The following NOS3 variants were observed in gnomAD, a reference collection of about 807,000 sequenced individuals.
NOS3 encodes the protein nitric oxide synthase 3, also known as NOS type III.
A neutral mutation model predicts 144.9 loss-of-function variants in NOS3; 98 were observed. The observed-to-expected ratio is 0.68, with a 90% confidence interval of 0.57 to 0.80. The LOEUF (loss-of-function observed/expected upper bound fraction) is 0.80, where lower values mean the gene tolerates loss of function less well. Among genes scored for constraint, NOS3 ranks in the 30% least tolerant of loss-of-function variants. The pLI, the probability that NOS3 is intolerant of heterozygous loss-of-function variation, is 0.00. For synonymous variants in NOS3, 714 were observed against 702.4 expected (o/e 1.02, Z -0.26); for missense variants, 1,465 against 1,656.4 (o/e 0.88, Z 2.01).
chr7:150,999,452 G>A (rs778580362), intron 9 of NOS3, 88 bp downstream of exon 9: 63 of 1,395,598 alleles, frequency 4.5e-5, no homozygotes, highest in Middle Eastern at 1.9e-4. Context: ...TGCCAGCCAC[G>A]GGGACAATCA....
intron 25 of NOS3, 52 bp from the exon 26 acceptor site, chr7:151,013,668 GCTGC>G: frequency 7.0e-7 from 1 of 1,435,244 alleles, no homozygotes; most frequent in Admixed American, 2.1e-5. Flanking sequence ...GCAGCCCCGG[GCTGC>G]GCCCCCGCGC....
In NOS3 at chr7:151,003,433, T is replaced by C. The variant is rs544088198; in HGVS notation, c.1752+1129T>C. 6.7e-5 allele frequency: 81 copies of C among 1,217,776 alleles called. No homozygotes were observed. In the South Asian group the frequency reaches 1.2e-3, roughly 18 times the overall value. 75.4% of individuals were successfully genotyped at this position (1,217,776 alleles called of 1,614,324 possible). ...GAGCCACTGCACCTGGCCCTCAGTA[T>C]CTTAAGCAAGTTGGAATCTCGTGAA... On this transcript the variant is annotated intron_variant, in intron 14 of 26. Transcript: ENST00000297494. This position sits in a 1 kb window ranked among gnomAD's most constrained non-coding sequence, Gnocchi z 4.1.
At chr7:151,013,555 C>A in intron 25 of NOS3, 169 bp from the exon 26 acceptor site, 1 of 1,023,992 alleles carries the variant, frequency 9.8e-7, no homozygotes, top group Non-Finnish European at 1.4e-6. Flanking sequence ...CGCCTCCTCC[C>A]GCCCCTGCCC....
At chr7:151,007,703 A>C (rs894223054) in intron 17 of NOS3, among the ~76,000 whole-genome samples, 2 of 152,262 alleles carry the variant, frequency 1.3e-5, no homozygotes, top group African/African-American at 4.8e-5. Flanking sequence ...ACAGGAAGCC[A>C]GAGGCCAGAC....
intron 23 of NOS3, 113 bp from the exon 24 acceptor site, chr7:151,012,238 T>C: frequency 1.3e-6 from 1 of 781,348 alleles, no homozygotes; most frequent in East Asian, 3.2e-5. Flanking sequence ...TTTTTTTTAA[T>C]TTTTTTTTGA....
chr7:150,993,644 C>T lies in NOS3; in HGVS notation c.-51-109C>T. 1 of 688,440 alleles carries T rather than the reference C, an allele frequency of 1.5e-6. No individual in the cohort carries two copies. Among genetic ancestry groups the T allele is most frequent in the Non-Finnish European group, 2.3e-6 (1 of 426,782 alleles). 42.6% of individuals were successfully genotyped at this position (688,440 alleles called of 1,614,324 possible). Reference sequence around the variant, plus strand: ...GAGCTGAGGCTTTAGAGCCTCCCAGCCGGGCTTGTTCCTGTCCCATTGTGT... The same window carrying T: ...GAGCTGAGGCTTTAGAGCCTCCCAGTCGGGCTTGTTCCTGTCCCATTGTGT... On this transcript the variant is annotated intron_variant, in intron 1 of 26. Transcript: ENST00000297494. This position sits in a 1 kb window ranked among gnomAD's most constrained non-coding sequence, Gnocchi z 4.0.
intron 1 of NOS3, among the ~76,000 whole-genome samples, chr7:150,992,311 CTGT>C (rs1222715359): frequency 6.6e-6 from 1 of 152,178 alleles, no homozygotes; most frequent in Non-Finnish European, 1.5e-5. Flanking sequence ...GACTTGGGAT[CTGT>C]TGTCTCCTCC....
chr7:151,008,755 C>T, intron 17 of NOS3, 175 bp from the exon 18 acceptor site: 3 of 667,594 alleles, frequency 4.5e-6, no homozygotes, highest in Non-Finnish European at 7.2e-6. Flanking sequence ...GGTCCCTGGG[C>T]CCAGCGGCCA....
chr7:150,999,215 C>T lies in NOS3; in HGVS notation c.982C>T (p.Leu328=), dbSNP rs184222022. 2.2e-5 allele frequency: 36 copies of T among 1,610,986 alleles called. No homozygotes were observed. The African/African-American group carries it at 4.5e-4, about 20-fold the overall frequency. Residue 328 remains leucine (L), a synonymous_variant, in exon 9 of 27, where the codon CTG becomes TTG. Coordinates refer to ENST00000297494, the MANE Select transcript of NOS3 (RefSeq NM_000603.5). ...GCTGGAGTGGTTTGCAGCCCTGGGC[C>T]TGCGCTGGTACGCCCTCCCGGCAGT... ...PTLEWFAALG[L]RWYALPAVSN...
intron 3 of NOS3, 69 bp downstream of exon 3, chr7:150,995,383 G>C (rs1206654961): frequency 9.9e-7 from 1 of 1,014,946 alleles, no homozygotes; most frequent in Non-Finnish European, 1.5e-6. Context: ...CTCAGATGGG[G>C]CCGGAGAGGG....
At chr7:150,992,402 T>G (rs3918156) in intron 1 of NOS3, among the ~76,000 whole-genome samples, 151,862 of 152,298 alleles carry the variant, frequency 1, 75,714 homozygotes, top group Middle Eastern at 1. Flanking sequence ...TGGTGGGGTG[T>G]GGTGGGGCCT....
In NOS3 at chr7:151,001,907, G is replaced by A. The variant is rs141787079; in HGVS notation, c.1589G>A (p.Arg530Gln). 5.6e-5 allele frequency: 91 copies of A among 1,613,512 alleles called. No individual in the cohort carries two copies. The highest frequency in any genetic ancestry group is 3.1e-4 in the African/African-American group (23 of 74,938). The change falls in exon 13 of 27, where the codon CGG becomes CAG. Residue 530 changes from arginine to glutamine, a missense_variant. By Grantham distance (43) the Arg-to-Gln change is conservative (BLOSUM62 1). Around this residue, in one of 5 missense-constraint regions of NOS3, gnomAD observed 745 missense variants for 853.9 expected, o/e 0.87. Transcript: ENST00000297494. ...ATILYGSETGRAQSYAQQLGR... is the reference protein window; with the variant it reads ...ATILYGSETGQAQSYAQQLGR... Reference sequence around the variant, plus strand: ...ATCCTGTATGGCTCCGAGACCGGCCGGGCCCAGAGCTACGCACAGCAGCTG... The same window carrying A: ...ATCCTGTATGGCTCCGAGACCGGCCAGGCCCAGAGCTACGCACAGCAGCTG...
rs772264138 is a variant in NOS3, at chr7:151,007,232, G to A, written c.2068G>A (p.Gly690Ser). ...GCTGGGCCAGGGCGACGAGCTGTGC[G>A]GCCAGGAGGAGGCCTTCCGAGGCTG... ...LQLGQGDELCGQEEAFRGWAQ... is the reference protein window; with the variant it reads ...LQLGQGDELCSQEEAFRGWAQ... Residue 690 changes from glycine to serine, a missense_variant, in exon 17 of 27, where the codon GGC becomes AGC. Around this residue, in one of 5 missense-constraint regions of NOS3, gnomAD observed 745 missense variants for 853.9 expected, o/e 0.87. Coordinates refer to ENST00000297494, the MANE Select transcript of NOS3 (RefSeq NM_000603.5). 14 of 1,608,348 alleles carry A rather than the reference G, an allele frequency of 8.7e-6. No homozygotes were observed. The highest frequency in any genetic ancestry group is 5.5e-5 in the South Asian group (5 of 90,986).
chr7:151,009,061 A>C lies in NOS3; in HGVS notation c.2244A>C (p.Pro748=). 1 of 1,612,906 alleles carries C rather than the reference A, an allele frequency of 6.2e-7. No individual in the cohort carries two copies. Among genetic ancestry groups the C allele is most frequent in the African/African-American group, 1.3e-5 (1 of 74,984 alleles). Residue 748 remains proline (P), a splice_region_variant and synonymous_variant, in exon 18 of 27, where the codon CCA becomes CCC. Coordinates refer to ENST00000297494, the MANE Select transcript of NOS3 (RefSeq NM_000603.5). ...SAQAEGLQLL[P]GLIHVHRRKM... ...AGGCCGAGGGCCTGCAGTTGCTGCC[A>C]GGTGGGCCCTGCCCTCACCCTAACC...
At chr7:151,009,332 CCTCCCACATT>C (rs1795256288) in intron 19 of NOS3, 56 bp from the exon 20 acceptor site, 1 of 1,232,566 alleles carries the variant, frequency 8.1e-7, no homozygotes, top group Non-Finnish European at 1.2e-6. Context: ...GGACCCTCCT[CCTCCCACATT>C]CTCCCGCCCC....
Position 151,003,396 on chromosome 7 carries a change from G to A in NOS3, c.1752+1092G>A, listed in dbSNP as rs550437453. On this transcript the variant is annotated intron_variant, in intron 14 of 26. Transcript: ENST00000297494. This position sits in a 1 kb window ranked among gnomAD's most constrained non-coding sequence, Gnocchi z 4.1. Reference sequence around the variant, plus strand: ...CTGCCTCGGCCTCCCAAAGTGCTGCGATTATAGACGTGAGCCACTGCACCT... The same window carrying A: ...CTGCCTCGGCCTCCCAAAGTGCTGCAATTATAGACGTGAGCCACTGCACCT... 1,359 of 1,226,752 alleles carry A rather than the reference G, an allele frequency of 1.1e-3. 28 individuals are homozygous for A. The South Asian group carries it at 0.017, about 16-fold the overall frequency. 76.0% of individuals were successfully genotyped at this position (1,226,752 alleles called of 1,614,324 possible). A position where few individuals can be genotyped will look rare whatever the true frequency, so the allele number is the denominator to read the frequency against.
At position 151,001,803 on chromosome 7, in the gene NOS3, C is replaced by T; in HGVS notation, c.1503-18C>T. The stretch of plus-strand genomic sequence containing the variant: ...CCTCTGTGCACCCAGGACACCCTCA[C>T]ACCTTCCTCTCCCGCAGCGCCGTGA... On this transcript the variant is annotated intron_variant, in intron 12 of 26. Transcript: ENST00000297494. 1 of 1,613,466 alleles carries T rather than the reference C, an allele frequency of 6.2e-7. No individual in the cohort carries two copies. The highest frequency in any genetic ancestry group is 8.5e-7 in the Non-Finnish European group (1 of 1,179,922).
Position 151,000,644 on chromosome 7 carries a change from G to A in NOS3, c.1233+45G>A, listed in dbSNP as rs3730002. ...CCAGGAAGGCAAAGGGTTTGCATACGGGGGCAGCAGGGGCGGGGGATGGAG... is the reference window on the plus strand; with the variant it reads ...CCAGGAAGGCAAAGGGTTTGCATACAGGGGCAGCAGGGGCGGGGGATGGAG... On this transcript the variant is annotated intron_variant, in intron 10 of 26. Transcript: ENST00000297494. 3,578 of 1,271,890 alleles carry A rather than the reference G, an allele frequency of 2.8e-3. 73 individuals are homozygous for A. The African/African-American group carries it at 0.046, about 16-fold the overall frequency. 78.8% of individuals were successfully genotyped at this position (1,271,890 alleles called of 1,614,324 possible).
chr7:151,000,423 A>G, intron 9 of NOS3, 75 bp from the exon 10 acceptor site: 1 of 931,718 alleles, frequency 1.1e-6, no homozygotes, highest in Non-Finnish European at 1.8e-6. Flanking sequence ...ATGTACGGGA[A>G]ACAGAGATAG....
Sources: allele counts gnomAD v4.1 joint callset (sites outside exome capture counted in the v4.1 genomes callset), GRCh38; gene constraint gnomAD v4.1.1; regional missense constraint gnomAD v4.1.1; non-coding constraint Gnocchi (gnomAD v3.1); transcripts MANE v1.5; gene names NCBI Gene and HGNC (gene_info 2026-07-23, HGNC 2026-07-21).